Variants in MICALL2 observed in about 807,000 individuals in gnomAD.
MICALL2 encodes the protein MICAL-like protein 2.
Under a neutral mutation model 91.1 loss-of-function variants are expected in MICALL2, and 111 were observed. That is an observed-to-expected ratio of 1.22 (90% confidence interval 1.04 to 1.43). The LOEUF is 1.43. MICALL2 is among the 40% of genes most tolerant of loss of function. The pLI is 0.00. For missense variants in MICALL2, 1,556 were observed against 1,236.0 expected (o/e 1.26, Z -3.88); for synonymous variants, 694 against 525.3 (o/e 1.32, Z -4.39).
rs1780069359 is a variant in MICALL2 at position 1,438,130 on chromosome 7, C to G, written c.2278G>C (p.Glu760Gln). The G allele has an allele frequency of 6.4e-7, 1 of 1,562,304 alleles. No homozygotes were observed. The highest frequency in any genetic ancestry group is 8.7e-7 in the Non-Finnish European group (1 of 1,154,040). ...GCCGCCCGCAGTCGCTTCTCCAGCT[C>G]CACGCCGCGGAGCTCCAGGGCGTCC... ...RLDALELRGV[E>Q]LEKRLRAAEG... Residue 760 changes from glutamate (E) to glutamine (Q), a missense_variant, in exon 12 of 17, where the codon GAG becomes CAG. Physicochemically the swap from Glu to Gln is conservative, Grantham distance 29. Coordinates refer to ENST00000297508, the MANE Select transcript of MICALL2 (RefSeq NM_182924.4).
chr7:1,446,925 GGAGAACT>G, intron 4 of MICALL2, 97 bp from the exon 5 acceptor site: 3 of 878,362 alleles, frequency 3.4e-6, no homozygotes, highest in Non-Finnish European at 3.4e-6. Flanking sequence ...TCTTACAGAT[GGAGAACT>G]GGCCAGGAGA....
At chr7:1,448,477 G>C in intron 3 of MICALL2, 143 bp downstream of exon 3, 1 of 750,808 alleles carries the variant, frequency 1.3e-6, no homozygotes, top group Admixed American at 2.3e-5. Flanking sequence ...TTCACAGCCA[G>C]TGCACAGCCC....
chr7:1,440,378 T>A, intron 8 of MICALL2: 1 of 629,104 alleles, frequency 1.6e-6, no homozygotes, highest in Non-Finnish European at 2.8e-6. Context: ...CCCACACGGG[T>A]GCTGCCATGC....
Position 1,444,936 on chromosome 7 carries a change from A to T in MICALL2, c.1134T>A (p.Gly378=), listed in dbSNP as rs10435184. The change falls in exon 6 of 17, where the codon GGT becomes GGA. Residue 378 remains glycine, a synonymous_variant. Coordinates refer to ENST00000297508, the MANE Select transcript of MICALL2 (RefSeq NM_182924.4). ...GAGCTGCCACTCGGGGGGCTCCCCCACCCTGGGGTGTGGCCGGGCGAGGGT... is the reference window on the plus strand; with the variant it reads ...GAGCTGCCACTCGGGGGGCTCCCCCTCCCTGGGGTGTGGCCGGGCGAGGGT... ...APDPRPATPQ[G]GGAPRVAAPQ... 6.6e-7 allele frequency: 1 copy of T among 1,520,142 alleles called. No individual in the cohort carries two copies. The allele number at this position is 1,520,142 out of a possible 1,614,324, so 94.2% of individuals were successfully genotyped here. A position where few individuals can be genotyped will look rare whatever the true frequency, so the allele number is the denominator to read the frequency against.
Position 1,438,988 on chromosome 7 carries a change from G to C in MICALL2, c.1974C>G (p.Ser658=). Reference sequence around the variant, plus strand: ...GTCTCCTGCGGCGGGGTGGGGAGGGGGACCTGGCTGCCCCCAGGTGGGGAG... The same window carrying C: ...GTCTCCTGCGGCGGGGTGGGGAGGGCGACCTGGCTGCCCCCAGGTGGGGAG... ...ASPGPSLPAR[S]PSPPRRRRLA... is the part of the protein sequence containing the mutation. The change falls in exon 10 of 17, where the codon TCC becomes TCG. Residue 658 remains serine, a synonymous_variant. Coordinates refer to ENST00000297508, the MANE Select transcript of MICALL2 (RefSeq NM_182924.4). 1 of 1,593,558 alleles carries C rather than the reference G, an allele frequency of 6.3e-7. No individual in the cohort carries two copies. The highest frequency in any genetic ancestry group is 8.5e-7 in the Non-Finnish European group (1 of 1,175,840).
chr7:1,443,700 C>CA (rs1191984043), intron 6 of MICALL2, among the ~76,000 whole-genome samples: 1 of 152,160 alleles, frequency 6.6e-6, no homozygotes, highest in African/African-American at 2.4e-5. Context: ...GACCACAAGC[C>CA]AAGAACGCTC....
In MICALL2 at chr7:1,442,528, G is replaced by A. The variant is rs371908946; in HGVS notation, c.1419-44C>T. ...GCATCAGGCACAGCTGGATCCAGGCGCCCTCCCACCATCACCCGAGGCCGC... is the reference window on the plus strand; with the variant it reads ...GCATCAGGCACAGCTGGATCCAGGCACCCTCCCACCATCACCCGAGGCCGC... On this transcript the variant is annotated intron_variant, in intron 6 of 16. Transcript: ENST00000297508. 211 of 1,502,106 alleles carry A rather than the reference G, an allele frequency of 1.4e-4. 1 individual carries two copies. Among genetic ancestry groups the A allele is most frequent in the Admixed American group, 4.8e-4 (21 of 43,816 alleles). 93.0% of individuals were successfully genotyped at this position (1,502,106 alleles called of 1,614,324 possible).
Position 1,437,520 on chromosome 7 carries a change from G to A in MICALL2, c.2476+15C>T, listed in dbSNP as rs376055395. The A allele has an allele frequency of 4.4e-4, 670 of 1,511,586 alleles. 2 individuals are homozygous for A. Among genetic ancestry groups the A allele is most frequent in the East Asian group, 2.8e-4 (11 of 39,846 alleles). 93.6% of individuals were successfully genotyped at this position (1,511,586 alleles called of 1,614,324 possible). ...CCCTGGCTGGGGCCCCTTGGCTGGC[G>A]CGCGGGGGACGCACCGGGCTTGGCC... is the stretch of plus-strand genomic sequence containing the variant. On this transcript the variant is annotated intron_variant, in intron 14 of 16. Coordinates refer to ENST00000297508, the MANE Select transcript of MICALL2 (RefSeq NM_182924.4).
chr7:1,440,750 G>A, intron 7 of MICALL2, 66 bp from the exon 8 acceptor site: 7 of 1,372,968 alleles, frequency 5.1e-6, no homozygotes, highest in Non-Finnish European at 5.1e-6. Context: ...CTGCAAGGGT[G>A]GCTGTGCCTC....
chr7:1,450,961 AC>A (rs1413817642), intron 1 of MICALL2, among the ~76,000 whole-genome samples: 1 of 152,180 alleles, frequency 6.6e-6, no homozygotes, highest in East Asian at 1.9e-4. Context: ...TCTCACAGAG[AC>A]AGCGGCTCGG....
intron 6 of MICALL2, 99 bp from the exon 7 acceptor site, chr7:1,442,583 T>C: frequency 1.6e-6 from 2 of 1,218,882 alleles, no homozygotes; most frequent in African/African-American, 1.6e-5. Flanking sequence ...TCACTCCCAA[T>C]GCCCAGCCTC....
chr7:1,443,292 G>C (rs554298661), intron 6 of MICALL2, among the ~76,000 whole-genome samples: 88 of 151,704 alleles, frequency 5.8e-4, no homozygotes, highest in Non-Finnish European at 8.1e-4. Context: ...AGGAGGAGCA[G>C]AGCGAACTCG....
intron 16 of MICALL2, 149 bp from the exon 17 acceptor site, chr7:1,434,821 C>T: frequency 1.2e-6 from 1 of 866,022 alleles, no homozygotes. Context: ...CTGTGCCCTC[C>T]CACGTGAGAA....
intron 14 of MICALL2, 158 bp downstream of exon 14, chr7:1,437,377 G>GTTAAGTACCTTGGCTGAGGACACAC: frequency 9.9e-5 from 63 of 636,438 alleles, no homozygotes; most frequent in Non-Finnish European, 1.5e-4. Flanking sequence ...ACACAGCCAG[G>GTTAAGTACCTTGGCTGAGGACACAC]AGGTGGGAGA....
intron 9 of MICALL2, chr7:1,439,478 T>C: frequency 7.7e-6 from 1 of 130,296 alleles, no homozygotes; most frequent in Admixed American, 1.1e-4. Context: ...GATGTACACA[T>C]GGACACATGC....
At chr7:1,454,140 TC>T (rs1364262530) in intron 1 of MICALL2, among the ~76,000 whole-genome samples, 3 of 141,576 alleles carry the variant, frequency 2.1e-5, no homozygotes, top group African/African-American at 7.8e-5. Flanking sequence ...ACTGTTTACT[TC>T]CTGGAACAAG....
intron 9 of MICALL2, 133 bp from the exon 10 acceptor site, chr7:1,439,128 G>A (rs1780135244): frequency 6.9e-6 from 5 of 729,040 alleles, no homozygotes; most frequent in Admixed American, 2.9e-5. Flanking sequence ...GACTGGCACA[G>A]GGTTGGCATC....
In MICALL2 at chr7:1,446,782, C is replaced by A; in HGVS notation, c.572G>T (p.Cys191Phe). 6.2e-7 allele frequency: 1 copy of A among 1,607,494 alleles called. No homozygotes were observed. Among genetic ancestry groups the A allele is most frequent in the Non-Finnish European group, 8.5e-7 (1 of 1,177,712 alleles). ...GSLVSSTCGVCGKHVHLVQRH... is the reference protein window; with the variant it reads ...GSLVSSTCGVFGKHVHLVQRH... ...CTGTACCAGGTGCACGTGCTTGCCG[C>A]AGACCCCGCAGGTGCTGCTGACCAA... Residue 191 changes from cysteine (C) to phenylalanine (F), a missense_variant, in exon 5 of 17, where the codon TGC becomes TTC. Transcript: ENST00000297508.
chr7:1,442,941 G>A (rs920053290), intron 6 of MICALL2, among the ~76,000 whole-genome samples: 26 of 152,014 alleles, frequency 1.7e-4, no homozygotes, highest in Admixed American at 5.2e-4. Context: ...CTCTGGCCCC[G>A]CCAGACACAC....
Sources: allele counts gnomAD v4.1 joint callset (sites outside exome capture counted in the v4.1 genomes callset), GRCh38; gene constraint gnomAD v4.1.1; transcripts MANE v1.5; gene names NCBI Gene and HGNC (gene_info 2026-07-23, HGNC 2026-07-21).